Variants in PARP14 observed in about 807,000 individuals in gnomAD.
PARP14 encodes the protein poly(ADP-ribose) polymerase family member 14, also known as protein mono-ADP-ribosyltransferase PARP14.
In PARP14, 59 loss-of-function variants were observed where a neutral mutation model predicts 154.2. That is an observed-to-expected ratio of 0.38 (90% confidence interval 0.31 to 0.48). The LOEUF (loss-of-function observed/expected upper bound fraction) is 0.48, where lower values mean the gene tolerates loss of function less well. Ranked by LOEUF, PARP14 falls within the 20% of genes least tolerant of loss-of-function variation. PARP14 has a pLI of 0.98. For missense variants in PARP14, 1,734 were observed against 2,131.6 expected (o/e 0.81, Z 3.67); for synonymous variants, 720 against 780.5 (o/e 0.92, Z 1.29).
rs541346497 is a variant in PARP14, at chr3:122,681,147, G to T, written c.187+77G>T. On this transcript the variant is annotated intron_variant, in intron 1 of 16. Transcript: ENST00000474629. The surrounding 1 kb of genome is among the most constrained non-coding windows in gnomAD (Gnocchi z 5.5). ...AGGGAAATGGCGGCAGGGCACGCAC[G>T]GGAGGGTGACCCGCCCGACTTCGGC... 8.6e-7 allele frequency: 1 copy of T among 1,168,272 alleles called. No homozygotes were observed. Among genetic ancestry groups the T allele is most frequent in the African/African-American group, 1.5e-5 (1 of 65,138 alleles). The allele number at this position is 1,168,272 out of a possible 1,614,324, so 72.4% of individuals were successfully genotyped here.
rs1938180462 is a variant in PARP14, at chr3:122,680,878, C to G, written c.-6C>G. The G allele has an allele frequency of 6.3e-7, 1 of 1,597,070 alleles. No individual in the cohort carries two copies. On this transcript the variant is annotated 5_prime_UTR_variant, in exon 1 of 17. Coordinates refer to ENST00000474629, the MANE Select transcript of PARP14 (RefSeq NM_017554.3). Reference sequence around the variant, plus strand: ...CCCTGCAGTCCGGCGGAGAGCGGAGCTGAGGATGGCTGTGCCCGGCTCCTT... The same window carrying G: ...CCCTGCAGTCCGGCGGAGAGCGGAGGTGAGGATGGCTGTGCCCGGCTCCTT...
intron 1 of PARP14, 95 bp from the exon 2 acceptor site, chr3:122,685,090 G>A (rs1372817904): frequency 2.9e-6 from 4 of 1,379,032 alleles, no homozygotes; most frequent in African/African-American, 1.4e-5. Flanking sequence ...CCAAGCCATT[G>A]ATTGATGGTA....
At chr3:122,709,710 TCTTGA>T (rs1267408427) in intron 9 of PARP14, among the ~76,000 whole-genome samples, 1 of 152,138 alleles carries the variant, frequency 6.6e-6, no homozygotes, top group Non-Finnish European at 1.5e-5. Context: ...ATCTATTGTT[TCTTGA>T]CTTAAGTTAT....
chr3:122,727,044 C>T (rs1933305593), intron 15 of PARP14, among the ~76,000 whole-genome samples: 1 of 150,666 alleles, frequency 6.6e-6, no homozygotes, highest in Non-Finnish European at 1.5e-5. Context: ...TGGTGTTAAG[C>T]CTGAGAGTTC....
Position 122,727,945 on chromosome 3 carries a change from T to C in PARP14, c.5075T>C (p.Val1692Ala). 1 of 1,613,410 alleles carries C rather than the reference T, an allele frequency of 6.2e-7. No homozygotes were observed. Among genetic ancestry groups the C allele is most frequent in the African/African-American group, 1.3e-5 (1 of 74,974 alleles). The change falls in exon 16 of 17, where the codon GTC (valine) becomes GCC (alanine). Residue 1692 changes from valine (V) to alanine (A), a missense_variant. By Grantham distance (64) the Val-to-Ala change is moderately conservative. Transcript: ENST00000474629. ...ACAGATGCCGGCTCCGTGCCACACG[T>C]CAATCGAAATGGCTTTAACCGCAGC... Reference protein sequence around the residue: ...HGTDAGSVPHVNRNGFNRSYA... With the variant: ...HGTDAGSVPHANRNGFNRSYA...
chr3:122,708,037 A>G (rs1323816660), intron 8 of PARP14, among the ~76,000 whole-genome samples, 153 bp from the exon 9 acceptor site: 1 of 152,244 alleles, frequency 6.6e-6, no homozygotes, highest in African/African-American at 2.4e-5. Context: ...TTGTTTTTAT[A>G]ACTTTCAAGA....
Position 122,699,904 on chromosome 3 carries a change from G to A in PARP14, c.1350G>A (p.Arg450=). 1 of 1,613,946 alleles carries A rather than the reference G, an allele frequency of 6.2e-7. No homozygotes were observed. ...EDVQSIEVQV[R]ELIESTTQKI... is the part of the protein sequence containing the mutation. The stretch of plus-strand genomic sequence containing the variant: ...TCCAAAGCATTGAGGTACAAGTCAG[G>A]GAGTTAATAGAAAGCACTACTCAAA... Residue 450 remains arginine, a synonymous_variant, in exon 6 of 17, where the codon AGG becomes AGA. Transcript: ENST00000474629.
chr3:122,689,538 GC>G (rs1938475668), intron 3 of PARP14, among the ~76,000 whole-genome samples: 1 of 152,042 alleles, frequency 6.6e-6, no homozygotes. Flanking sequence ...TGAACTCCTG[GC>G]CCCAAATGAC....
intron 7 of PARP14, 54 bp from the exon 8 acceptor site, chr3:122,704,473 T>C (rs1939085334): frequency 1.7e-6 from 2 of 1,150,492 alleles, no homozygotes; most frequent in East Asian, 5.0e-5. Flanking sequence ...GTCCTTTTTG[T>C]TCTAACTCCC....
At chr3:122,718,000 C>A in intron 12 of PARP14, 71 bp from the exon 13 acceptor site, 1 of 1,165,666 alleles carries the variant, frequency 8.6e-7, no homozygotes, top group Non-Finnish European at 1.3e-6. Flanking sequence ...CATTGGAAAC[C>A]CTAATTTATT....
intron 1 of PARP14, among the ~76,000 whole-genome samples, chr3:122,682,380 AG>A (rs1452364999): frequency 2.0e-5 from 3 of 152,142 alleles, no homozygotes; most frequent in African/African-American, 7.2e-5. Flanking sequence ...CAGGTTAACC[AG>A]GCACCTTCCC....
At position 122,680,875 on chromosome 3, in the gene PARP14, G is replaced by C. The variant is rs1560041068; in HGVS notation, c.-9G>C. On this transcript the variant is annotated 5_prime_UTR_variant, in exon 1 of 17. Transcript: ENST00000474629. ...GGCCCCTGCAGTCCGGCGGAGAGCG[G>C]AGCTGAGGATGGCTGTGCCCGGCTC... 2 of 1,595,028 alleles carry C rather than the reference G, an allele frequency of 1.3e-6. No individual in the cohort carries two copies. The highest frequency in any genetic ancestry group is 1.7e-6 in the Non-Finnish European group (2 of 1,170,912).
intron 15 of PARP14, among the ~76,000 whole-genome samples, chr3:122,727,542 T>C (rs1440217138): frequency 1.3e-5 from 2 of 152,194 alleles, no homozygotes; most frequent in Non-Finnish European, 2.9e-5. Context: ...GTCAGCAGAA[T>C]TCATGTCATG....
At chr3:122,687,189 C>A in intron 3 of PARP14, 76 bp downstream of exon 3, 2 of 1,008,172 alleles carry the variant, frequency 2.0e-6, no homozygotes, top group South Asian at 1.4e-5. Flanking sequence ...TTGAGGGAGT[C>A]AGCCCTCTCT....
chr3:122,711,443 G>A (rs983403543), intron 9 of PARP14, among the ~76,000 whole-genome samples: 1 of 152,116 alleles, frequency 6.6e-6, no homozygotes, highest in Non-Finnish European at 1.5e-5. Flanking sequence ...AAGTACGCTT[G>A]TTCATAATGT....
At chr3:122,696,614 C>G (rs1364297502) in intron 5 of PARP14, among the ~76,000 whole-genome samples, 1 of 152,180 alleles carries the variant, frequency 6.6e-6, no homozygotes, top group Admixed American at 6.5e-5. Context: ...ATCCTCTACC[C>G]TAGAAATTAA....
rs1933346929 is a variant in PARP14, at chr3:122,728,635, G to A, written c.*38G>A. On this transcript the variant is annotated 3_prime_UTR_variant, in exon 17 of 17. Transcript: ENST00000474629. ...CTTCCCACAAAATTATTCTCCATTT[G>A]TACATATCTAGTTGTAAAACAAGTT... The A allele has an allele frequency of 1.3e-6, 2 of 1,495,026 alleles. No homozygotes were observed. The highest frequency in any genetic ancestry group is 1.8e-6 in the Non-Finnish European group (2 of 1,091,880). 92.6% of individuals were successfully genotyped at this position (1,495,026 alleles called of 1,614,324 possible). A position where few individuals can be genotyped will look rare whatever the true frequency, so the allele number is the denominator to read the frequency against.
At chr3:122,720,128 C>T (rs1241234898) in intron 14 of PARP14, 127 bp from the exon 15 acceptor site, 3 of 923,064 alleles carry the variant, frequency 3.3e-6, no homozygotes, top group Non-Finnish European at 4.8e-6. Flanking sequence ...GAAAAGCGTT[C>T]TCCTAGAAAG....
chr3:122,703,860 A>G lies in PARP14; in HGVS notation c.3200A>G (p.Gln1067Arg), dbSNP rs1220149801. 5 of 1,613,878 alleles carry G rather than the reference A, an allele frequency of 3.1e-6. No individual in the cohort carries two copies. The highest frequency in any genetic ancestry group is 2.2e-5 in the East Asian group (1 of 44,892). Residue 1067 changes from glutamine (Q) to arginine (R), a missense_variant, in exon 7 of 17, where the codon CAA becomes CGA. Transcript: ENST00000474629. The stretch of plus-strand genomic sequence containing the variant: ...CAGGAGGAATTGGACACAGTTGGAC[A>G]AGGGGTGGCTGTCAGCATGGGCACA... ...ELQEELDTVGQGVAVSMGTVL... is the reference protein window; with the variant it reads ...ELQEELDTVGRGVAVSMGTVL...
Sources: allele counts gnomAD v4.1 joint callset (sites outside exome capture counted in the v4.1 genomes callset), GRCh38; gene constraint gnomAD v4.1.1; non-coding constraint Gnocchi (gnomAD v3.1); transcripts MANE v1.5; gene names NCBI Gene and HGNC (gene_info 2026-07-23, HGNC 2026-07-21).